Variants in SEPSECS observed in about 807,000 individuals in gnomAD.
SEPSECS encodes the protein Sep (O-phosphoserine) tRNA:Sec (selenocysteine) tRNA synthase.
SEPSECS carries 42 observed loss-of-function variants against 52.1 expected under a neutral mutation model. The ratio of observed to expected loss-of-function variants is 0.81; its 90% CI spans 0.63 to 1.04. SEPSECS has a LOEUF of 1.04. Among genes scored for constraint, SEPSECS ranks in the 50% least tolerant of loss-of-function variants. The pLI, the probability that SEPSECS is intolerant of heterozygous loss-of-function variation, is 0.00. For synonymous variants in SEPSECS, 216 were observed against 211.4 expected, an observed-to-expected ratio of 1.02 and a Z score of -0.19; for missense variants, 590 against 610.6, an observed-to-expected ratio of 0.97 and a Z score of 0.36.
chr4:25,128,444 CAAAAA>C (rs1560322076), intron 8 of SEPSECS, among the ~76,000 whole-genome samples: 37 of 151,372 alleles, frequency 2.4e-4, no homozygotes, highest in Non-Finnish European at 4.7e-4. Flanking sequence ...AAAACAAAAA[CAAAAA>C]CAAAAACAAA....
At chr4:25,155,776 C>T (rs997367652) in intron 4 of SEPSECS, among the ~76,000 whole-genome samples, 2 of 152,114 alleles carry the variant, frequency 1.3e-5, no homozygotes, top group African/African-American at 4.8e-5. Context: ...TCAATTAAAA[C>T]AGTACACTTA....
At chr4:25,157,857 T>G (rs1712786648) in intron 2 of SEPSECS, among the ~76,000 whole-genome samples, 1 of 152,322 alleles carries the variant, frequency 6.6e-6, no homozygotes, top group African/African-American at 2.4e-5. Context: ...ATTATCTTTT[T>G]TCTTTACTTT....
chr4:25,160,218 G>T, intron 1 of SEPSECS, 38 bp downstream of exon 1: 1 of 1,547,986 alleles, frequency 6.5e-7, no homozygotes, highest in Non-Finnish European at 8.7e-7. Flanking sequence ...AGAGCCCCGG[G>T]GTCGCGGCGG....
Position 25,150,130 on chromosome 4 carries a change from T to C in SEPSECS, c.804+1830A>G, listed in dbSNP as rs150483035. Among the ~76,000 whole-genome samples, 376 of 152,346 alleles carry C rather than the reference T, an allele frequency of 2.5e-3. 1 individual carries two copies. The highest frequency in any genetic ancestry group is 8.6e-3 in the African/African-American group (356 of 41,576). ...ACATTTATGTAAAAGATGATATTAG[T>C]ATACTAAAAATAATATAAAAGACAA... On this transcript the variant is annotated intron_variant, in intron 6 of 10. Transcript: ENST00000382103.
intron 8 of SEPSECS, among the ~76,000 whole-genome samples, chr4:25,137,073 A>G (rs1728868534): frequency 2.0e-5 from 3 of 152,192 alleles, no homozygotes; most frequent in Admixed American, 2.0e-4. Flanking sequence ...CTCAAGATGG[A>G]TTAAAGACTT....
chr4:25,128,438 CA>C (rs1402433887), intron 8 of SEPSECS, among the ~76,000 whole-genome samples: 37 of 141,926 alleles, frequency 2.6e-4, no homozygotes, highest in Non-Finnish European at 4.8e-4. Flanking sequence ...ATAACAAAAA[CA>C]AAAACAAAAA....
At chr4:25,159,999 C>A in intron 1 of SEPSECS, 1 of 985,394 alleles carries the variant, frequency 1.0e-6, no homozygotes. Flanking sequence ...TTCCGCATCC[C>A]GAAGTTAGAA....
chr4:25,142,293 C>T (rs1205045022), intron 8 of SEPSECS, among the ~76,000 whole-genome samples: 1 of 151,956 alleles, frequency 6.6e-6, no homozygotes, highest in Non-Finnish European at 1.5e-5. Context: ...AAAAAGTCAC[C>T]ATCTCAATGA....
At chr4:25,143,851 T>C (rs1711771995) in intron 8 of SEPSECS, among the ~76,000 whole-genome samples, 1 of 152,114 alleles carries the variant, frequency 6.6e-6, no homozygotes, top group Non-Finnish European at 1.5e-5. Context: ...GTTATCAGAT[T>C]TAAAAACTGC....
At chr4:25,156,264 A>G in intron 3 of SEPSECS, 69 bp from the exon 4 acceptor site, 1 of 1,322,844 alleles carries the variant, frequency 7.6e-7, no homozygotes, top group South Asian at 1.2e-5. Flanking sequence ...TGAGGAAATA[A>G]TATATTTCAT....
chr4:25,160,296 C>A lies in SEPSECS; in HGVS notation c.74G>T (p.Arg25Leu), dbSNP rs564871717. ...CCGTATGAGGTGCTCATGCGAGCGG[C>A]GGGCCTCACAGCCCTGCCGCACGTA... is the stretch of plus-strand genomic sequence containing the variant. ...PAYVRQGCEA[R>L]RSHEHLIRLL... is the part of the protein sequence containing the mutation. Residue 25 changes from arginine to leucine, a missense_variant, in exon 1 of 11, where the codon CGC (arginine) becomes CTC (leucine). Transcript: ENST00000382103. 3.7e-5 allele frequency: 58 copies of A among 1,551,686 alleles called. 1 individual carries two copies. In the African/African-American group the frequency reaches 7.2e-4, roughly 19 times the overall value.
At position 25,156,210 on chromosome 4, in the gene SEPSECS, C is replaced by G; in HGVS notation, c.389-15G>C. ...TGTATGGACACCTACAAATAAGAAG[C>G]AAAACAGAAATCTGTTATCCCGCTA... On this transcript the variant is annotated splice_polypyrimidine_tract_variant and intron_variant, in intron 3 of 10. Coordinates refer to ENST00000382103, the MANE Select transcript of SEPSECS (RefSeq NM_016955.4). 6.2e-7 allele frequency: 1 copy of G among 1,612,756 alleles called. No homozygotes were observed. The highest frequency in any genetic ancestry group is 8.5e-7 in the Non-Finnish European group (1 of 1,178,938).
intron 8 of SEPSECS, among the ~76,000 whole-genome samples, chr4:25,142,155 T>C (rs1275084180): frequency 6.6e-6 from 1 of 152,052 alleles, no homozygotes; most frequent in Non-Finnish European, 1.5e-5. Flanking sequence ...TGTGTGCCTG[T>C]AATCCCAGCT....
chr4:25,148,221 T>C (rs1445285223), intron 6 of SEPSECS, among the ~76,000 whole-genome samples: 4 of 151,858 alleles, frequency 2.6e-5, no homozygotes, highest in East Asian at 1.9e-4. Flanking sequence ...GGCATGGTGG[T>C]GGGCGCCTGT....
intron 8 of SEPSECS, among the ~76,000 whole-genome samples, chr4:25,132,072 AG>A (rs951724236): frequency 5.3e-5 from 8 of 152,292 alleles, no homozygotes; most frequent in Middle Eastern, 3.4e-3. Flanking sequence ...AAGGGCAAAG[AG>A]GCTCAATTCA....
At chr4:25,150,338 A>G (rs1008417459) in intron 6 of SEPSECS, among the ~76,000 whole-genome samples, 4 of 152,214 alleles carry the variant, frequency 2.6e-5, no homozygotes, top group South Asian at 2.1e-4. Flanking sequence ...GCATAAATAC[A>G]ATACTTTATT....
chr4:25,123,413 C>G lies in SEPSECS; in HGVS notation c.*518G>C. 1 of 167,878 alleles carries G rather than the reference C, an allele frequency of 6.0e-6. No individual in the cohort carries two copies. Among genetic ancestry groups the G allele is most frequent in the Middle Eastern group, 2.9e-3 (1 of 344 alleles). The allele number at this position is 167,878 out of a possible 1,614,324, so 10.4% of individuals were successfully genotyped here. On this transcript the variant is annotated 3_prime_UTR_variant, in exon 11 of 11. Coordinates refer to ENST00000382103, the MANE Select transcript of SEPSECS (RefSeq NM_016955.4). ...TGCTGTTCAGATAAGCGAATCATCC[C>G]CAGTTGAGACCCACTGCTTTTGAGT...
At chr4:25,146,957 A>G (rs1292659761) in intron 6 of SEPSECS, among the ~76,000 whole-genome samples, 1 of 152,122 alleles carries the variant, frequency 6.6e-6, no homozygotes, top group Non-Finnish European at 1.5e-5. Context: ...AAATCCTTCC[A>G]TGGCCAATGA....
At chr4:25,124,396 T>G (rs1728275320) in intron 10 of SEPSECS, among the ~76,000 whole-genome samples, 171 bp from the exon 11 acceptor site, 2 of 152,188 alleles carry the variant, frequency 1.3e-5, no homozygotes, top group South Asian at 4.1e-4. Context: ...AATGAAATTC[T>G]ATAATACACT....
Sources: allele counts gnomAD v4.1 joint callset (sites outside exome capture counted in the v4.1 genomes callset), GRCh38; gene constraint gnomAD v4.1.1; transcripts MANE v1.5; gene names NCBI Gene and HGNC (gene_info 2026-07-23, HGNC 2026-07-21).